EZH2: variants seen among roughly 807,000 people sequenced by gnomAD.
EZH2 encodes the protein histone-lysine N-methyltransferase EZH2.
EZH2 carries 18 observed loss-of-function variants against 98.4 expected under a neutral mutation model. The observed-to-expected ratio is 0.18, with a 90% CI of 0.13 to 0.27. The LOEUF (loss-of-function observed/expected upper bound fraction) is 0.27. EZH2 is among the 10% of genes least tolerant of loss of function. EZH2 has a pLI of 1.00. For synonymous variants in EZH2, 338 were observed against 312.3 expected (o/e 1.08, Z -0.87); for missense variants, 470 against 935.1 (o/e 0.50, Z 6.49).
intron 16 of EZH2, among the ~76,000 whole-genome samples, chr7:148,810,973 C>T (rs1802896084): frequency 6.7e-6 from 1 of 150,158 alleles, no homozygotes; most frequent in Non-Finnish European, 1.5e-5. Flanking sequence ...TTTTCGGTAA[C>T]ACTGTCGACA....
intron 1 of EZH2, among the ~76,000 whole-genome samples, chr7:148,854,770 T>G (rs1816525359): frequency 6.6e-6 from 1 of 152,246 alleles, no homozygotes; most frequent in Non-Finnish European, 1.5e-5. Flanking sequence ...AGTGCCTGTT[T>G]GTATGTTTAA....
chr7:148,871,957 T>C (rs1819477238), intron 1 of EZH2, among the ~76,000 whole-genome samples: 1 of 152,182 alleles, frequency 6.6e-6, no homozygotes, highest in African/African-American at 2.4e-5. Context: ...TGTTGTTCAA[T>C]GGGCAACCAT....
chr7:148,871,867 C>G (rs1819464003), intron 1 of EZH2, among the ~76,000 whole-genome samples: 1 of 152,098 alleles, frequency 6.6e-6, no homozygotes, highest in Non-Finnish European at 1.5e-5. Context: ...AGCCACCACG[C>G]CCAGCCGAAT....
chr7:148,843,344 C>A (rs1326796863), intron 3 of EZH2, among the ~76,000 whole-genome samples: 2 of 152,028 alleles, frequency 1.3e-5, no homozygotes, highest in African/African-American at 4.8e-5. Context: ...GCACTCCAGC[C>A]TAGGCAACAG....
At chr7:148,833,411 C>T (rs1477989550) in intron 3 of EZH2, among the ~76,000 whole-genome samples, 2 of 151,018 alleles carry the variant, frequency 1.3e-5, no homozygotes, top group East Asian at 3.9e-4. Flanking sequence ...GAGTCGAGAT[C>T]GCGCCACTGC....
chr7:148,827,078 G>A (rs576676220), intron 7 of EZH2, 86 bp downstream of exon 7: 7 of 979,846 alleles, frequency 7.1e-6, no homozygotes, highest in South Asian at 6.5e-5. Context: ...TGGCTCATCC[G>A]CTACATTGAT....
chr7:148,812,927 A>G (rs1803500741), intron 15 of EZH2, among the ~76,000 whole-genome samples: 1 of 152,232 alleles, frequency 6.6e-6, no homozygotes, highest in Non-Finnish European at 1.5e-5. Flanking sequence ...AAACAAAACC[A>G]AGAGAACTTC....
chr7:148,867,917 T>C (rs1269113651), intron 1 of EZH2, among the ~76,000 whole-genome samples: 2 of 152,214 alleles, frequency 1.3e-5, no homozygotes, highest in African/African-American at 4.8e-5. Context: ...AGGAGCACAA[T>C]GCTGCCAGTC....
chr7:148,859,885 T>C (rs1051337453), intron 1 of EZH2, among the ~76,000 whole-genome samples: 1 of 152,228 alleles, frequency 6.6e-6, no homozygotes, highest in Admixed American at 6.5e-5. Context: ...CAAGAGTTGC[T>C]TGCTGGCCCC....
chr7:148,835,024 T>G (rs1182336986), intron 3 of EZH2, among the ~76,000 whole-genome samples: 1 of 152,244 alleles, frequency 6.6e-6, no homozygotes, highest in East Asian at 1.9e-4. Context: ...AAAGTCTGAC[T>G]GCAACACCCG....
intron 12 of EZH2, 30 bp downstream of exon 12, chr7:148,816,654 C>T: frequency 6.4e-7 from 1 of 1,558,186 alleles, no homozygotes; most frequent in Non-Finnish European, 8.9e-7. Context: ...TCTATGTTGA[C>T]TTCTCTAAGG....
chr7:148,837,386 AAG>A (rs1296190593), intron 3 of EZH2, among the ~76,000 whole-genome samples: 1 of 152,214 alleles, frequency 6.6e-6, no homozygotes, highest in Non-Finnish European at 1.5e-5. Context: ...CCAGGAAAGG[AAG>A]AGTCAGAAGA....
intron 8 of EZH2, among the ~76,000 whole-genome samples, chr7:148,824,764 G>C (rs1807212990): frequency 6.6e-6 from 1 of 152,126 alleles, no homozygotes; most frequent in African/African-American, 2.4e-5. Context: ...AGTTCCTACA[G>C]AACTCAATAG....
intron 2 of EZH2, among the ~76,000 whole-genome samples, chr7:148,846,838 CTGTGTGTGTGTGTGTGTGTGTG>C (rs59597308): frequency 5.3e-4 from 71 of 135,172 alleles, no homozygotes; most frequent in East Asian, 4.6e-3. Context: ...TCTTTGTTGA[CTGTGTGTGTGTGTGTGTGTGTG>C]TGTGTGTGTG....
intron 1 of EZH2, among the ~76,000 whole-genome samples, chr7:148,866,453 C>A (rs1379049306): frequency 6.8e-6 from 1 of 147,926 alleles, no homozygotes; most frequent in East Asian, 1.9e-4. Context: ...GATGCAGGTA[C>A]CTTGATCTTA....
rs1031719440 is a variant in EZH2, at chr7:148,817,648, A to G, written c.1240+229T>C. 8.9e-6 allele frequency: 6 copies of G among 673,838 alleles called. No individual in the cohort carries two copies. In the African/African-American group the frequency reaches 1.1e-4, roughly 12 times the overall value. 41.7% of individuals were successfully genotyped at this position (673,838 alleles called of 1,614,324 possible). ...AAAGAAAATGGCACAAAGAATGAGA[A>G]TAAAGTGCATCATCAGCTTTCAAAC... On this transcript the variant is annotated intron_variant, in intron 10 of 19. Coordinates refer to ENST00000320356, the MANE Select transcript of EZH2 (RefSeq NM_004456.5).
At chr7:148,843,208 C>CA (rs35317881) in intron 3 of EZH2, among the ~76,000 whole-genome samples, 1,051 of 75,842 alleles carry the variant, frequency 0.014, 14 homozygotes, top group African/African-American at 0.03. Flanking sequence ...AACTCCGTCT[C>CA]AAAAAAAAAA....
rs747465006 is a variant in EZH2, at chr7:148,817,865, G to C, written c.1240+12C>G. The stretch of plus-strand genomic sequence containing the variant: ...ACAGAACAGTAAAACCCAGTTATTA[G>C]ACGTGTCTTACCAGAGGAGCTCGAA... On this transcript the variant is annotated intron_variant, in intron 10 of 19. Transcript: ENST00000320356. 6.8e-6 allele frequency: 11 copies of C among 1,614,140 alleles called. No homozygotes were observed. The South Asian group carries it at 8.8e-5, about 13-fold the overall frequency.
At chr7:148,808,891 G>A (rs1460747264) in intron 19 of EZH2, among the ~76,000 whole-genome samples, 180 bp downstream of exon 19, 1 of 152,164 alleles carries the variant, frequency 6.6e-6, no homozygotes, top group Admixed American at 6.5e-5. Flanking sequence ...AGCATGCCTT[G>A]TATAATATAT....
Sources: gnomAD v4.1 joint callset for allele counts (sites outside exome capture counted in the v4.1 genomes callset) on GRCh38, gnomAD v4.1.1 for gene constraint, MANE v1.5 for transcripts, NCBI Gene and HGNC (gene_info 2026-07-23, HGNC 2026-07-21) for gene names.